GRIA3: variants seen among roughly 807,000 people sequenced by gnomAD.
The protein encoded by GRIA3 is glutamate ionotropic receptor AMPA type subunit 3, also known as glutamate receptor 3.
In GRIA3, 3 loss-of-function variants were observed where a neutral mutation model predicts 63.0. The ratio of observed to expected loss-of-function variants is 0.05; its 90% CI spans 0.02 to 0.12. GRIA3 has a LOEUF of 0.12. Ranked by LOEUF, GRIA3 falls within the 10% of genes least tolerant of loss-of-function variation. GRIA3 has a pLI of 1.00. For missense variants in GRIA3, 347 were observed against 700.9 expected (o/e 0.50, Z 5.70); for synonymous variants, 274 against 257.9 (o/e 1.06, Z -0.60).
chrX:123,346,993 T>A (rs1473479367), intron 4 of GRIA3, among the ~76,000 whole-genome samples: 1 of 112,291 alleles, frequency 8.9e-6, no homozygotes, highest in Non-Finnish European at 1.9e-5. Context: ...TTTGTAGTAT[T>A]GTTCGATTTT....
chrX:123,283,913 C>T (rs957184727), intron 3 of GRIA3, among the ~76,000 whole-genome samples: 2 of 112,726 alleles, frequency 1.8e-5, no homozygotes, highest in African/African-American at 3.2e-5. Flanking sequence ...GACAGATGGC[C>T]TCCTCAAGTG....
chrX:123,199,996 C>A (rs1487453733), intron 2 of GRIA3, among the ~76,000 whole-genome samples: 2 of 111,523 alleles, frequency 1.8e-5, no homozygotes, highest in Admixed American at 9.5e-5. Flanking sequence ...TGATGCAGCT[C>A]CCTAGTAGCA....
At chrX:123,468,311 G>A (rs1361273127) in intron 13 of GRIA3, among the ~76,000 whole-genome samples, 1 of 111,228 alleles carries the variant, frequency 9.0e-6, no homozygotes, top group Non-Finnish European at 1.9e-5. Context: ...AATGGAGAAG[G>A]AGGTAGAAAT....
At chrX:123,481,796 A>G (rs1162949278) in intron 14 of GRIA3, among the ~76,000 whole-genome samples, 2 of 111,935 alleles carry the variant, frequency 1.8e-5, no homozygotes, top group Non-Finnish European at 3.8e-5. Flanking sequence ...ATTGTTCAGC[A>G]GTTCAGATTT....
intron 13 of GRIA3, among the ~76,000 whole-genome samples, chrX:123,468,144 A>G (rs1279771207): frequency 9.0e-6 from 1 of 111,538 alleles, no homozygotes; most frequent in Non-Finnish European, 1.9e-5. Context: ...CTGCATACCC[A>G]ACGATTGCTT....
intron 3 of GRIA3, among the ~76,000 whole-genome samples, chrX:123,265,036 T>C (rs2147290755): frequency 9.0e-6 from 1 of 111,709 alleles, no homozygotes; most frequent in African/African-American, 3.3e-5. Context: ...CAACTAACAA[T>C]TCCTGAGTGC....
chrX:123,483,537 A>G (rs1380300431), intron 15 of GRIA3, among the ~76,000 whole-genome samples: 1 of 112,141 alleles, frequency 8.9e-6, no homozygotes, highest in Non-Finnish European at 1.9e-5. Context: ...GTACATCTTG[A>G]CTCATACTAG....
At chrX:123,334,315 C>T (rs2044960205) in intron 4 of GRIA3, among the ~76,000 whole-genome samples, 1 of 111,332 alleles carries the variant, frequency 9.0e-6, no homozygotes, top group Non-Finnish European at 1.9e-5. Context: ...GAGTTAGTAG[C>T]AGACATCAAT....
At chrX:123,319,994 A>T (rs1319586415) in intron 3 of GRIA3, among the ~76,000 whole-genome samples, 1 of 111,923 alleles carries the variant, frequency 8.9e-6, no homozygotes, top group Non-Finnish European at 1.9e-5. Context: ...CTCCAGAGTA[A>T]GCCTTGGCCA....
At chrX:123,325,320 T>G (rs1368566253) in intron 3 of GRIA3, among the ~76,000 whole-genome samples, 1 of 111,810 alleles carries the variant, frequency 8.9e-6, no homozygotes, top group Non-Finnish European at 1.9e-5. Flanking sequence ...TCTTTTCTCT[T>G]TTTCTCATTC....
rs754907387 is a variant in GRIA3, at chrX:123,184,505, A to G, written c.-31A>G. On this transcript the variant is annotated 5_prime_UTR_variant, in exon 1 of 16. It removes an upstream start codon present in the reference 5' UTR. Transcript: ENST00000620443. ...TTTTGACGACTCCTGAGTTGCGCCC[A>G]TGCTCTTGTCAGCTTCGTTTTAGGC... is the stretch of plus-strand genomic sequence containing the variant. 5.5e-6 allele frequency: 6 copies of G among 1,087,982 alleles called. No individual in the cohort carries two copies. The Admixed American group carries it at 1.3e-4, about 24-fold the overall frequency. 89.7% of individuals were successfully genotyped at this position (1,087,982 alleles called of 1,213,427 possible). A position where few individuals can be genotyped will look rare whatever the true frequency, so the allele number is the denominator to read the frequency against.
chrX:123,371,267 C>A (rs2045246005), intron 5 of GRIA3, among the ~76,000 whole-genome samples: 1 of 110,038 alleles, frequency 9.1e-6, no homozygotes, highest in African/African-American at 3.3e-5. Flanking sequence ...ATCACATTTT[C>A]TTTATCCATT....
chrX:123,470,279 T>A (rs2045854931), intron 13 of GRIA3, among the ~76,000 whole-genome samples: 1 of 111,949 alleles, frequency 8.9e-6, no homozygotes, highest in Non-Finnish European at 1.9e-5. Flanking sequence ...ATGCTCATTA[T>A]GACTTATAGA....
chrX:123,280,167 C>T (rs5909985), intron 3 of GRIA3, among the ~76,000 whole-genome samples: 40,961 of 110,520 alleles, frequency 0.37, 6,647 homozygotes, highest in African/African-American at 0.63. Context: ...AATAGGGCTC[C>T]CAGGGCAAAT....
intron 3 of GRIA3, among the ~76,000 whole-genome samples, chrX:123,312,569 T>A (rs2044802131): frequency 8.9e-6 from 1 of 111,740 alleles, no homozygotes; most frequent in South Asian, 3.8e-4. Flanking sequence ...AGAGTGGGCC[T>A]CAGTGCCAAA....
intron 3 of GRIA3, among the ~76,000 whole-genome samples, chrX:123,285,526 C>T (rs1230259647): frequency 1.2e-5 from 1 of 85,106 alleles, no homozygotes; most frequent in Non-Finnish European, 2.2e-5. Flanking sequence ...CAAAGACACA[C>T]ATAGGCTCAA....
At chrX:123,252,128 C>T (rs758211265) in intron 2 of GRIA3, among the ~76,000 whole-genome samples, 11 of 112,075 alleles carry the variant, frequency 9.8e-5, no homozygotes, top group Non-Finnish European at 1.9e-4. Context: ...CTGACCCACT[C>T]ATCCCCATCA....
At chrX:123,321,851 G>C (rs1320977957) in intron 3 of GRIA3, among the ~76,000 whole-genome samples, 1 of 111,737 alleles carries the variant, frequency 8.9e-6, no homozygotes, top group Admixed American at 9.5e-5. Flanking sequence ...AGGGCACAAA[G>C]AGAAAATGAG....
In GRIA3 at chrX:123,372,955, T is replaced by C. The variant is rs747981394; in HGVS notation, c.750+17992T>C. Among the ~76,000 whole-genome samples the C allele has an allele frequency of 7.3e-5, 8 of 109,367 alleles. No homozygotes were observed. In the East Asian group the frequency reaches 2.3e-3, roughly 31 times the overall value. 95.0% of individuals were successfully genotyped at this position (109,367 alleles called of 115,157 possible). On this transcript the variant is annotated intron_variant, in intron 5 of 15. Coordinates refer to ENST00000620443, the MANE Select transcript of GRIA3 (RefSeq NM_007325.5). Reference sequence around the variant, plus strand: ...CATGCAGGTTTGTGCCATGTTGGTGTGCTGCACCCATTAACTCATCATTTA... The same window carrying C: ...CATGCAGGTTTGTGCCATGTTGGTGCGCTGCACCCATTAACTCATCATTTA...
Sources: gnomAD v4.1 joint callset for allele counts (sites outside exome capture counted in the v4.1 genomes callset) on GRCh38, gnomAD v4.1.1 for gene constraint, MANE v1.5 for transcripts, NCBI Gene and HGNC (gene_info 2026-07-23, HGNC 2026-07-21) for gene names.